Variants in IDE observed in about 807,000 individuals in gnomAD.
IDE encodes the protein insulin degrading enzyme, also known as insulin-degrading enzyme.
IDE carries 58 observed loss-of-function variants against 133.2 expected under a neutral mutation model. The ratio of observed to expected loss-of-function variants is 0.44; its 90% confidence interval spans 0.35 to 0.54. IDE has a LOEUF of 0.54. Ranked by LOEUF, IDE falls within the 20% of genes least tolerant of loss-of-function variation. The probability of loss-of-function intolerance (pLI) is 0.00; values close to 1 mark genes in which losing one functional copy is unlikely to be tolerated. For synonymous variants in IDE, 396 were observed against 421.3 expected, an observed-to-expected ratio of 0.94 and a Z score of 0.73; for missense variants, 981 against 1,234.0, an observed-to-expected ratio of 0.79 and a Z score of 3.07.
rs746175091 is a variant in IDE at position 92,470,331 on chromosome 10, G to A, written c.2131C>T (p.Arg711Cys). Residue 711 changes from arginine (R) to cysteine (C), a missense_variant, in exon 18 of 25, where the codon CGC (arginine) becomes TGC (cysteine). Around this residue, in one of 2 missense-constraint regions of IDE, gnomAD observed 660 missense variants for 894.7 expected, o/e 0.74. Coordinates refer to ENST00000265986, the MANE Select transcript of IDE (RefSeq NM_004969.4). The stretch of plus-strand genomic sequence containing the variant: ...AGCTGAGGTATGAAGGCCTTAAGGC[G>A]AGGAAGGGTTACATCTGCAAAGGTG... The part of the protein sequence containing the change: ...KEALDDVTLP[R>C]LKAFIPQLLS... 20 of 1,602,598 alleles carry A rather than the reference G, an allele frequency of 1.2e-5. No homozygotes were observed. Among genetic ancestry groups the A allele is most frequent in the East Asian group, 9.0e-5 (4 of 44,368 alleles).
chr10:92,529,237 T>C (rs368964972), intron 4 of IDE, among the ~76,000 whole-genome samples: 3 of 152,228 alleles, frequency 2.0e-5, no homozygotes, highest in African/African-American at 2.4e-5. Context: ...GTTTTCAATA[T>C]GCATAATATC....
intron 4 of IDE, among the ~76,000 whole-genome samples, chr10:92,516,038 A>G (rs186093249): frequency 0.019 from 2,926 of 150,896 alleles, 45 homozygotes; most frequent in Admixed American, 0.053. Flanking sequence ...GCGTGGTGGC[A>G]CATGCCTGTA....
At chr10:92,462,568 T>C (rs1162178610) in intron 21 of IDE, among the ~76,000 whole-genome samples, 2 of 151,656 alleles carry the variant, frequency 1.3e-5, no homozygotes, top group African/African-American at 4.8e-5. Context: ...GATCGTGCCA[T>C]TGCACTCCAG....
intron 13 of IDE, 121 bp downstream of exon 13, chr10:92,487,075 A>G: frequency 1.2e-6 from 1 of 849,900 alleles, no homozygotes; most frequent in Non-Finnish European, 1.8e-6. Context: ...CTTTTTTGTC[A>G]CCTATTAGGA....
intron 11 of IDE, among the ~76,000 whole-genome samples, chr10:92,502,646 C>T (rs1221677991): frequency 1.3e-5 from 2 of 152,216 alleles, no homozygotes; most frequent in African/African-American, 4.8e-5. Context: ...CCATCCCCCA[C>T]TAAACTACGT....
At chr10:92,531,478 T>C (rs977368333) in intron 4 of IDE, among the ~76,000 whole-genome samples, 1 of 152,224 alleles carries the variant, frequency 6.6e-6, no homozygotes, top group African/African-American at 2.4e-5. Context: ...AAGAATCTAT[T>C]ATCTTCTCCA....
chr10:92,567,895 C>T (rs1410039920), intron 1 of IDE, among the ~76,000 whole-genome samples: 1 of 152,140 alleles, frequency 6.6e-6, no homozygotes, highest in East Asian at 1.9e-4. Context: ...CACTTGAGCC[C>T]AGGAGTTCAT....
chr10:92,508,893 G>A lies in IDE; in HGVS notation c.898-3C>T. 1 of 1,607,740 alleles carries A rather than the reference G, an allele frequency of 6.2e-7. No homozygotes were observed. The highest frequency in any genetic ancestry group is 1.7e-5 in the Admixed American group (1 of 59,988). On this transcript the variant is annotated splice_polypyrimidine_tract_variant and splice_region_variant and intron_variant, in intron 6 of 24. Transcript: ENST00000265986. ...ATGGGTACTATTTTGTAAAGTTGCT[G>A]GAGAAAACAAATCACAGAGATTAGC...
intron 12 of IDE, among the ~76,000 whole-genome samples, chr10:92,490,206 C>G (rs1847262274): frequency 6.6e-6 from 1 of 152,198 alleles, no homozygotes; most frequent in Admixed American, 6.5e-5. Context: ...TCGCTTCTTG[C>G]CTTTCTGGTG....
intron 18 of IDE, 59 bp downstream of exon 18, chr10:92,470,195 A>C: frequency 8.9e-7 from 1 of 1,127,334 alleles, no homozygotes; most frequent in Non-Finnish European, 1.3e-6. Flanking sequence ...GAGAAAGACT[A>C]GAGGGAAAAA....
At chr10:92,544,647 T>G (rs929737476) in intron 1 of IDE, among the ~76,000 whole-genome samples, 4 of 152,196 alleles carry the variant, frequency 2.6e-5, no homozygotes, top group Admixed American at 2.0e-4. Context: ...CTTCTTCCCT[T>G]ACAATCCCAA....
rs1813615395 is a variant in IDE, at chr10:92,488,759, AG to A, written c.1534-1442del. Among the ~76,000 whole-genome samples the A allele has an allele frequency of 2.7e-5, 4 of 150,788 alleles. No homozygotes were observed. The South Asian group carries it at 8.3e-4, about 31-fold the overall frequency. On this transcript the variant is annotated intron_variant, in intron 12 of 24. Coordinates refer to ENST00000265986, the MANE Select transcript of IDE (RefSeq NM_004969.4). ...GCCATTGCACTCCAGCCCAGGCAAC[AG>A]TACGAGACTCTGTCTAAAAAAAAAA...
At chr10:92,474,800 A>G in intron 17 of IDE, 41 bp downstream of exon 17, 1 of 1,572,914 alleles carries the variant, frequency 6.4e-7, no homozygotes, top group Non-Finnish European at 8.6e-7. Flanking sequence ...AATTTAGGAA[A>G]AAAATGAAGA....
chr10:92,526,965 G>A (rs1263498500), intron 4 of IDE, among the ~76,000 whole-genome samples: 2 of 151,768 alleles, frequency 1.3e-5, no homozygotes, highest in African/African-American at 4.8e-5. Context: ...GATTACAGGT[G>A]CATACCACCA....
At chr10:92,470,004 T>C (rs1364491527) in intron 18 of IDE, among the ~76,000 whole-genome samples, 1 of 152,146 alleles carries the variant, frequency 6.6e-6, no homozygotes, top group Non-Finnish European at 1.5e-5. Flanking sequence ...GGATAATTAC[T>C]CCCATTTCCT....
At position 92,524,311 on chromosome 10, in the gene IDE, AT is replaced by A. The variant is rs997240556; in HGVS notation, c.661+7436del. ...CAGAGTGAGACTCTATCTCAAAAAA[AT>A]ATATATAATATATTATTATATATAT... On this transcript the variant is annotated intron_variant, in intron 4 of 24. Coordinates refer to ENST00000265986, the MANE Select transcript of IDE (RefSeq NM_004969.4). Among the ~76,000 whole-genome samples the A allele has an allele frequency of 8.7e-5, 8 of 92,326 alleles. No homozygotes were observed. The South Asian group carries it at 1.4e-3, about 17-fold the overall frequency. 60.6% of individuals were successfully genotyped at this position (92,326 alleles called of 152,430 possible). A position where few individuals can be genotyped will look rare whatever the true frequency, so the allele number is the denominator to read the frequency against.
intron 11 of IDE, among the ~76,000 whole-genome samples, chr10:92,499,286 C>T (rs1289764062): frequency 4.0e-5 from 6 of 151,358 alleles, no homozygotes; most frequent in Admixed American, 6.6e-5. Flanking sequence ...CAGGTTCAAG[C>T]GATTCTCCTG....
intron 4 of IDE, among the ~76,000 whole-genome samples, chr10:92,530,302 T>C (rs1468776334): frequency 6.6e-6 from 1 of 150,966 alleles, no homozygotes; most frequent in Non-Finnish European, 1.5e-5. Context: ...AAAAAAGTTG[T>C]TGTTTTTTTT....
intron 1 of IDE, among the ~76,000 whole-genome samples, chr10:92,560,782 CAAA>C (rs1319594657): frequency 7.7e-6 from 1 of 130,478 alleles, no homozygotes; most frequent in African/African-American, 2.8e-5. Context: ...GACTCCGTCT[CAAA>C]AAAAAAAAAA....
Sources: gnomAD v4.1 joint callset for allele counts (sites outside exome capture counted in the v4.1 genomes callset) on GRCh38, gnomAD v4.1.1 for gene constraint, gnomAD v4.1.1 regional missense constraint, MANE v1.5 for transcripts, NCBI Gene and HGNC (gene_info 2026-07-23, HGNC 2026-07-21) for gene names.